Variants in PSMA2 observed in about 807,000 individuals in gnomAD.
PSMA2 encodes the protein proteasome 20S subunit alpha 2.
A neutral mutation model predicts 35.9 loss-of-function variants in PSMA2; 2 were observed. The ratio of observed to expected loss-of-function variants is 0.06; its 90% CI spans 0.02 to 0.18. The LOEUF (loss-of-function observed/expected upper bound fraction) is 0.18. Ranked by LOEUF, PSMA2 falls within the 10% of genes least tolerant of loss-of-function variation. PSMA2 has a pLI of 1.00. For missense variants in PSMA2, 126 were observed against 278.8 expected (o/e 0.45, Z 3.90); for synonymous variants, 97 against 98.2 (o/e 0.99, Z 0.07).
In PSMA2 at chr7:42,921,608, A is replaced by T. The variant is rs185051370; in HGVS notation, c.530+250T>A. On this transcript the variant is annotated intron_variant, in intron 6 of 7. Coordinates refer to ENST00000223321, the MANE Select transcript of PSMA2 (RefSeq NM_002787.5). ...CAAAAAGTGAAGTAAAAAGTAAAAA[A>T]ACCAAAAGCATTTAGGAAACCATAG... The T allele has an allele frequency of 5.7e-4, 184 of 325,512 alleles. 1 individual carries two copies. Among genetic ancestry groups the T allele is most frequent in the Admixed American group, 2.2e-3 (45 of 20,920 alleles). 20.2% of individuals were successfully genotyped at this position (325,512 alleles called of 1,614,324 possible).
intron 3 of PSMA2, among the ~76,000 whole-genome samples, chr7:42,926,239 C>T (rs1434552551): frequency 3.3e-5 from 5 of 152,190 alleles, no homozygotes; most frequent in East Asian, 1.9e-4. Context: ...AAAGCCCTTA[C>T]GCCCAGTTCC....
Position 42,921,828 on chromosome 7 carries a change from A to T in PSMA2, c.530+30T>A, listed in dbSNP as rs181896252. On this transcript the variant is annotated intron_variant, in intron 6 of 7. Transcript: ENST00000223321. ...CCAAAAACCATAAAGTGAGTTTGCT[A>T]AAGAATGCAGTTACAATGAGTAGGC... 1.0e-5 allele frequency: 16 copies of T among 1,570,418 alleles called. No homozygotes were observed. In the East Asian group the frequency reaches 3.6e-4, roughly 35 times the overall value.
intron 6 of PSMA2, chr7:42,919,763 C>T: frequency 1.6e-6 from 1 of 632,614 alleles, no homozygotes; most frequent in Non-Finnish European, 2.9e-6. Context: ...TTTCTTGTTG[C>T]AGGTGGTGAA....
chr7:42,920,922 T>C (rs899939214), intron 6 of PSMA2: 1 of 152,140 alleles, frequency 6.6e-6, no homozygotes, highest in African/African-American at 2.4e-5. Flanking sequence ...ATATTGCATG[T>C]TGTCACTCAT....
chr7:42,930,506 T>C (rs1008562304), intron 1 of PSMA2, among the ~76,000 whole-genome samples: 1 of 151,640 alleles, frequency 6.6e-6, no homozygotes, highest in African/African-American at 2.4e-5. Context: ...CCTGCCTCAG[T>C]CTCCTGAGTA....
At chr7:42,919,416 T>G (rs1242795922) in intron 6 of PSMA2, 14 of 556,760 alleles carry the variant, frequency 2.5e-5, no homozygotes, top group Non-Finnish European at 3.6e-6. Context: ...TAAACTGTTT[T>G]GCATATATGA....
intron 1 of PSMA2, 32 bp from the exon 2 acceptor site, chr7:42,927,491 C>T (rs781146945): frequency 1.3e-6 from 2 of 1,571,876 alleles, no homozygotes; most frequent in African/African-American, 1.3e-5. Flanking sequence ...TGTAAGTTCA[C>T]ATATCATCAA....
At chr7:42,920,888 A>T (rs941400884) in intron 6 of PSMA2, 1 of 152,220 alleles carries the variant, frequency 6.6e-6, no homozygotes, top group Non-Finnish European at 1.5e-5. Flanking sequence ...CGTTAAGCAA[A>T]ATAAGCCAGG....
At chr7:42,931,909 TC>T (rs58528334) in intron 1 of PSMA2, among the ~76,000 whole-genome samples, 128,609 of 152,008 alleles carry the variant, frequency 0.85, 54,601 homozygotes, top group South Asian at 0.91. Context: ...CAAAACCGCA[TC>T]CCCCCGACCC....
chr7:42,920,624 T>C (rs917682709), intron 6 of PSMA2: 18 of 152,336 alleles, frequency 1.2e-4, no homozygotes, highest in African/African-American at 3.6e-4. Context: ...TAACATATCA[T>C]GTAATAACAA....
At chr7:42,923,227 A>G in intron 5 of PSMA2, 98 bp downstream of exon 5, 2 of 913,708 alleles carry the variant, frequency 2.2e-6, no homozygotes, top group Non-Finnish European at 3.4e-6. Flanking sequence ...AAAAGAAGAA[A>G]ATACTGCTAA....
chr7:42,928,516 G>A (rs537193520), intron 1 of PSMA2, among the ~76,000 whole-genome samples: 6 of 152,226 alleles, frequency 3.9e-5, no homozygotes, highest in South Asian at 4.2e-4. Flanking sequence ...GTAGCTAAAC[G>A]CAAGTCTCAA....
At chr7:42,926,196 T>C (rs1786214286) in intron 3 of PSMA2, among the ~76,000 whole-genome samples, 1 of 152,246 alleles carries the variant, frequency 6.6e-6, no homozygotes, top group African/African-American at 2.4e-5. Flanking sequence ...CTTAAATTGC[T>C]TTTATCATTT....
intron 5 of PSMA2, among the ~76,000 whole-genome samples, chr7:42,922,274 T>C (rs1786138782): frequency 1.3e-5 from 2 of 152,052 alleles, no homozygotes; most frequent in South Asian, 2.1e-4. Flanking sequence ...TTAAAAGAAA[T>C]TGAGGTTAAC....
At chr7:42,931,811 G>A (rs887810768) in intron 1 of PSMA2, among the ~76,000 whole-genome samples, 1 of 152,110 alleles carries the variant, frequency 6.6e-6, no homozygotes, top group Non-Finnish European at 1.5e-5. Flanking sequence ...AGATGGTTAA[G>A]CTAAAACTGC....
intron 6 of PSMA2, chr7:42,921,594 G>A (rs886219724): frequency 1.0e-5 from 3 of 294,704 alleles, no homozygotes; most frequent in Non-Finnish European, 1.9e-5. Flanking sequence ...AAAAAGTGAA[G>A]TAAAAAGTAA....
At chr7:42,927,544 G>T in intron 1 of PSMA2, 85 bp from the exon 2 acceptor site, 1 of 1,325,574 alleles carries the variant, frequency 7.5e-7, no homozygotes, top group Non-Finnish European at 1.1e-6. Flanking sequence ...CAGACATACA[G>T]GTCAAATCCA....
intron 3 of PSMA2, among the ~76,000 whole-genome samples, chr7:42,926,151 T>C (rs1786213789): frequency 6.6e-6 from 1 of 152,252 alleles, no homozygotes; most frequent in African/African-American, 2.4e-5. Flanking sequence ...CTTTCTTTTG[T>C]TGCCTCATAC....
chr7:42,929,294 T>A (rs1786258427), intron 1 of PSMA2, among the ~76,000 whole-genome samples: 1 of 152,226 alleles, frequency 6.6e-6, no homozygotes, highest in Non-Finnish European at 1.5e-5. Flanking sequence ...TAGGCTGAAC[T>A]TTTCCTTTAA....
Sources: gnomAD v4.1 joint callset for allele counts (sites outside exome capture counted in the v4.1 genomes callset) on GRCh38, gnomAD v4.1.1 for gene constraint, MANE v1.5 for transcripts, NCBI Gene and HGNC (gene_info 2026-07-23, HGNC 2026-07-21) for gene names.